Variants in KCNQ5 observed in about 807,000 individuals in gnomAD.
The protein encoded by KCNQ5 is potassium voltage-gated channel subfamily KQT member 5.
In KCNQ5, 30 loss-of-function variants were observed where a neutral mutation model predicts 98.2. The observed-to-expected ratio is 0.31, with a 90% confidence interval of 0.23 to 0.41. KCNQ5 has a LOEUF of 0.41. Among genes scored for constraint, KCNQ5 ranks in the 10% least tolerant of loss-of-function variants. KCNQ5 has a pLI of 1.00. For missense variants in KCNQ5, 835 were observed against 1,182.5 expected, an observed-to-expected ratio of 0.71 and a Z score of 4.31; for synonymous variants, 458 against 449.4, an observed-to-expected ratio of 1.02 and a Z score of -0.24.
intron 1 of KCNQ5, among the ~76,000 whole-genome samples, chr6:72,900,572 G>C (rs1779458610): frequency 6.9e-6 from 1 of 144,434 alleles, no homozygotes; most frequent in Non-Finnish European, 1.5e-5. Flanking sequence ...ATTTGGGTTG[G>C]TTCCACAATT....
intron 1 of KCNQ5, among the ~76,000 whole-genome samples, chr6:72,787,523 C>T (rs1773815859): frequency 1.3e-5 from 2 of 150,188 alleles, no homozygotes; most frequent in Non-Finnish European, 2.9e-5. Context: ...TCTGGTGAGG[C>T]CTAAGTATCA....
At chr6:73,093,247 T>C (rs1467618490) in intron 5 of KCNQ5, among the ~76,000 whole-genome samples, 1 of 152,218 alleles carries the variant, frequency 6.6e-6, no homozygotes, top group African/African-American at 2.4e-5. Context: ...GTGTCAGTTG[T>C]AATATCTCCC....
chr6:73,070,878 GC>G (rs2150384954), intron 3 of KCNQ5, among the ~76,000 whole-genome samples: 1 of 152,284 alleles, frequency 6.6e-6, no homozygotes, highest in Non-Finnish European at 1.5e-5. Flanking sequence ...GTGGTAGACA[GC>G]TAGCTACCTT....
chr6:73,094,847 C>A (rs1297393783), intron 5 of KCNQ5, among the ~76,000 whole-genome samples: 1 of 152,126 alleles, frequency 6.6e-6, no homozygotes, highest in Non-Finnish European at 1.5e-5. Context: ...TCTCACTGCT[C>A]TTAAAATTCT....
intron 6 of KCNQ5, 75 bp downstream of exon 6, chr6:73,105,442 G>T (rs947610775): frequency 3.7e-6 from 3 of 810,656 alleles, no homozygotes; most frequent in South Asian, 4.2e-5. Context: ...TCACAAATTC[G>T]TATGCTTGGG....
At chr6:72,725,162 C>A (rs1770200849) in intron 1 of KCNQ5, among the ~76,000 whole-genome samples, 1 of 151,966 alleles carries the variant, frequency 6.6e-6, no homozygotes, top group Admixed American at 6.6e-5. Context: ...AATTTGGTAT[C>A]CTTTCAAATA....
intron 3 of KCNQ5, 150 bp from the exon 4 acceptor site, chr6:73,077,172 A>C: frequency 1.4e-6 from 1 of 697,722 alleles, no homozygotes. Flanking sequence ...GAAATGCCAC[A>C]GAGGCCAAGT....
chr6:73,142,656 C>T (rs1776768488), intron 10 of KCNQ5, among the ~76,000 whole-genome samples: 1 of 152,144 alleles, frequency 6.6e-6, no homozygotes, highest in Admixed American at 6.5e-5. Context: ...TGGTTCATGC[C>T]TGTAATCCCA....
chr6:72,785,142 T>A (rs1773671020), intron 1 of KCNQ5, among the ~76,000 whole-genome samples: 1 of 152,172 alleles, frequency 6.6e-6, no homozygotes, highest in South Asian at 2.1e-4. Context: ...TTCTCTTATA[T>A]CGTTGAAGAC....
At chr6:72,864,407 A>G (rs1777891852) in intron 1 of KCNQ5, among the ~76,000 whole-genome samples, 1 of 152,226 alleles carries the variant, frequency 6.6e-6, no homozygotes, top group Non-Finnish European at 1.5e-5. Context: ...CCAAAACGGC[A>G]AACTCTTTGC....
chr6:72,852,335 G>A (rs1357561310), intron 1 of KCNQ5, among the ~76,000 whole-genome samples: 2 of 151,846 alleles, frequency 1.3e-5, no homozygotes, highest in African/African-American at 2.4e-5. Flanking sequence ...ATTATTCACA[G>A]TAGCCAAAAT....
intron 1 of KCNQ5, among the ~76,000 whole-genome samples, chr6:72,843,206 G>A (rs1246086345): frequency 1.3e-5 from 2 of 152,144 alleles, no homozygotes; most frequent in African/African-American, 4.8e-5. Context: ...CATATGGCTA[G>A]CCAGTCTTCC....
chr6:72,813,335 A>G (rs1775336124), intron 1 of KCNQ5, among the ~76,000 whole-genome samples: 1 of 152,108 alleles, frequency 6.6e-6, no homozygotes, highest in Non-Finnish European at 1.5e-5. Flanking sequence ...ATTTTTTTCC[A>G]TAAAGTCTGT....
intron 9 of KCNQ5, among the ~76,000 whole-genome samples, chr6:73,131,704 G>T (rs1317884530): frequency 4.6e-5 from 7 of 152,182 alleles, no homozygotes; most frequent in African/African-American, 1.7e-4. Context: ...AACCTAGCCT[G>T]AGAATTAAAA....
intron 1 of KCNQ5, among the ~76,000 whole-genome samples, chr6:72,854,748 A>C (rs1777448820): frequency 1.1e-5 from 1 of 94,438 alleles, no homozygotes; most frequent in Admixed American, 1.0e-4. Flanking sequence ...ACACACACAC[A>C]CACCATGGTT....
intron 1 of KCNQ5, among the ~76,000 whole-genome samples, chr6:72,951,066 A>G (rs1461396760): frequency 6.6e-6 from 1 of 152,156 alleles, no homozygotes; most frequent in Non-Finnish European, 1.5e-5. Flanking sequence ...CCAGATCCCA[A>G]AAAAATCAAT....
chr6:72,825,603 A>G (rs1385354414), intron 1 of KCNQ5, among the ~76,000 whole-genome samples: 1 of 152,154 alleles, frequency 6.6e-6, no homozygotes, highest in Admixed American at 6.5e-5. Context: ...ATGACTTAGA[A>G]TAACAGTTTG....
At chr6:73,084,795 G>C (rs1773915606) in intron 5 of KCNQ5, among the ~76,000 whole-genome samples, 1 of 152,172 alleles carries the variant, frequency 6.6e-6, no homozygotes, top group African/African-American at 2.4e-5. Context: ...GTGTGGGCCT[G>C]CCCTTTCTCC....
chr6:73,050,589 T>C (rs769637136), intron 3 of KCNQ5, among the ~76,000 whole-genome samples: 2 of 152,218 alleles, frequency 1.3e-5, no homozygotes, highest in South Asian at 2.1e-4. Context: ...TCACCAGTTT[T>C]TACATGCGCT....
Sources: gnomAD v4.1 joint callset for allele counts (sites outside exome capture counted in the v4.1 genomes callset) on GRCh38, gnomAD v4.1.1 for gene constraint, MANE v1.5 for transcripts, NCBI Gene and HGNC (gene_info 2026-07-23, HGNC 2026-07-21) for gene names.